ANK2: variants seen among roughly 807,000 people sequenced by gnomAD.
ANK2 encodes the protein ankyrin 2, also known as ankyrin-2.
In ANK2, 83 loss-of-function variants were observed where a neutral mutation model predicts 360.5. That is an observed-to-expected ratio of 0.23 (90% CI 0.19 to 0.28). The LOEUF (loss-of-function observed/expected upper bound fraction) is 0.28. Ranked by LOEUF, ANK2 falls within the 10% of genes least tolerant of loss-of-function variation. ANK2 has a pLI of 1.00. For missense variants in ANK2, 4,201 were observed against 4,795.7 expected, an observed-to-expected ratio of 0.88 and a Z score of 3.66; for synonymous variants, 1,740 against 1,759.5, an observed-to-expected ratio of 0.99 and a Z score of 0.28.
chr4:113,242,719 C>A (rs1453732433), intron 9 of ANK2, among the ~76,000 whole-genome samples: 1 of 152,122 alleles, frequency 6.6e-6, no homozygotes, highest in Admixed American at 6.6e-5. Flanking sequence ...GTATACTATA[C>A]CTTTATGTCA....
At chr4:113,215,839 T>A (rs10857021) in intron 4 of ANK2, among the ~76,000 whole-genome samples, 77,424 of 151,924 alleles carry the variant, frequency 0.51, 19,948 homozygotes, top group Non-Finnish European at 0.56. Context: ...TTTCTTGTGT[T>A]ATCTTCATCT....
intron 1 of ANK2, among the ~76,000 whole-genome samples, chr4:112,884,758 T>C (rs2077775242): frequency 6.6e-6 from 1 of 152,242 alleles, no homozygotes; most frequent in Non-Finnish European, 1.5e-5. Context: ...ACACTTTCTG[T>C]TCTGTTTTCT....
chr4:112,904,554 A>G (rs2084547861), intron 2 of ANK2: 1 of 1,385,346 alleles, frequency 7.2e-7, no homozygotes. Flanking sequence ...AAGGAATCTT[A>G]TAAAAAGACA....
chr4:113,248,577 A>G (rs1352064433), intron 9 of ANK2, among the ~76,000 whole-genome samples: 1 of 152,012 alleles, frequency 6.6e-6, no homozygotes. Context: ...AGGGAGGAGA[A>G]GGGTAGAGCA....
At position 113,357,303 on chromosome 4, in the gene ANK2, A is replaced by G. The variant is rs1564040511; in HGVS notation, c.8685A>G (p.Ser2895=). The G allele has an allele frequency of 3.7e-6, 6 of 1,614,108 alleles. No individual in the cohort carries two copies. Among genetic ancestry groups the G allele is most frequent in the African/African-American group, 1.3e-5 (1 of 75,066 alleles). ...CAAAGGACTGCCCCTCTCAAGACTC[A>G]TCCATTACTACTCAAACAGATAGAT... The part of the protein sequence containing the change: ...NLPKDCPSQD[S]SITTQTDRFS... Residue 2895 remains serine, a synonymous_variant, in exon 38 of 46, where the codon TCA becomes TCG. Coordinates refer to ENST00000357077, the MANE Select transcript of ANK2 (RefSeq NM_001148.6).
chr4:112,730,252 C>CAAAAAAAAAAAAAAAAAAA, the ANK2 span, among the ~76,000 whole-genome samples: 1 of 50,900 alleles, frequency 2.0e-5, no homozygotes, highest in Non-Finnish European at 3.3e-5. Context: ...GACTCTGTCT[C>CAAAAAAAAAAAAAAAAAAA]AAAAAAAAAA....
chr4:113,268,044 C>G (rs2056935497), intron 14 of ANK2, among the ~76,000 whole-genome samples: 1 of 152,056 alleles, frequency 6.6e-6, no homozygotes, highest in Non-Finnish European at 1.5e-5. Flanking sequence ...TAATTTGCCT[C>G]TCTGTTTGTC....
chr4:113,158,131 A>G (rs1291370444), intron 1 of ANK2, among the ~76,000 whole-genome samples: 2 of 152,236 alleles, frequency 1.3e-5, no homozygotes, highest in Non-Finnish European at 2.9e-5. Flanking sequence ...TTTAGATGGC[A>G]TGTAGCATCC....
rs2220208 is a variant in ANK2, at chr4:113,116,702, A to G, written c.85-57714A>G. 0.46 allele frequency among the ~76,000 whole-genome samples: 70,474 copies of G among 151,840 alleles called. 16,646 individuals are homozygous for G. The highest frequency in any genetic ancestry group is 0.55 in the Admixed American group (8,415 of 15,236). ...ACGGCAGTAACAGCAGTAGCACGGC[A>G]GCAGCAGCAGCAGCAGCAGCAGAGT... On this transcript the variant is annotated intron_variant, in intron 1 of 45. Transcript: ENST00000357077.
At chr4:112,726,121 C>T in the ANK2 span, among the ~76,000 whole-genome samples, 1 of 151,906 alleles carries the variant, frequency 6.6e-6, no homozygotes, top group Non-Finnish European at 1.5e-5. Context: ...AGCATTTCAG[C>T]AGATGTTAAA....
chr4:113,133,459 TC>T (rs1477513772), intron 1 of ANK2, among the ~76,000 whole-genome samples: 1 of 152,130 alleles, frequency 6.6e-6, no homozygotes, highest in Non-Finnish European at 1.5e-5. Context: ...AAAAAGATTT[TC>T]CCCTCAAATT....
chr4:113,104,657 G>A (rs1450960290), intron 1 of ANK2, among the ~76,000 whole-genome samples: 1 of 152,192 alleles, frequency 6.6e-6, no homozygotes, highest in Non-Finnish European at 1.5e-5. Context: ...AGAGGTTGCA[G>A]TTAGCTGAGA....
chr4:112,771,740 C>T, the ANK2 span, among the ~76,000 whole-genome samples: 3 of 152,112 alleles, frequency 2.0e-5, no homozygotes, highest in Non-Finnish European at 4.4e-5. Flanking sequence ...TGCCCGCCAC[C>T]GTGCCCGGCT....
Position 113,278,567 on chromosome 4 carries a change from C to T in ANK2, c.1881+9C>T, listed in dbSNP as rs200659747. ...CTCATGCCACTGCCAAGGTGAGGACCACAGAAAAGGATTTACAGGCATAGG... is the reference window on the plus strand; with the variant it reads ...CTCATGCCACTGCCAAGGTGAGGACTACAGAAAAGGATTTACAGGCATAGG... On this transcript the variant is annotated intron_variant, in intron 17 of 45. Transcript: ENST00000357077. The T allele has an allele frequency of 1.2e-6, 2 of 1,612,756 alleles. No individual in the cohort carries two copies. Among genetic ancestry groups the T allele is most frequent in the East Asian group, 4.5e-5 (2 of 44,836 alleles).
At chr4:113,362,183 G>A (rs1479092384) in intron 39 of ANK2, among the ~76,000 whole-genome samples, 2 of 151,984 alleles carry the variant, frequency 1.3e-5, no homozygotes, top group African/African-American at 2.4e-5. Flanking sequence ...TTTATTAATG[G>A]CTTTTGTTGA....
At position 113,356,689 on chromosome 4, in the gene ANK2, C is replaced by A; in HGVS notation, c.8071C>A (p.Pro2691Thr). Residue 2691 changes from proline (P) to threonine (T), a missense_variant, in exon 38 of 46, where the codon CCT (proline) becomes ACT (threonine). By Grantham distance (38) the Pro-to-Thr change is conservative (BLOSUM62 -1). Coordinates refer to ENST00000357077, the MANE Select transcript of ANK2 (RefSeq NM_001148.6). ...ACCAGAACCAGTGATTCGAGTACAA[C>A]CTCCTTCTCCACTTCCATCAAGCAT... ...LLPEPVIRVQ[P>T]PSPLPSSMDS... The A allele has an allele frequency of 1.2e-6, 2 of 1,614,116 alleles. No individual in the cohort carries two copies. Among genetic ancestry groups the A allele is most frequent in the Non-Finnish European group, 1.7e-6 (2 of 1,179,992 alleles).
chr4:113,027,747 T>C (rs2059585101), intron 2 of ANK2, among the ~76,000 whole-genome samples: 1 of 152,030 alleles, frequency 6.6e-6, no homozygotes, highest in Admixed American at 6.6e-5. Flanking sequence ...TTGGGAAGTA[T>C]ATAAATAAAT....
At chr4:112,904,395 C>T in intron 1 of ANK2, 1 of 1,008,834 alleles carries the variant, frequency 9.9e-7, no homozygotes, top group Non-Finnish European at 1.4e-6. Context: ...GGAAACTGTT[C>T]TTAATGATAA....
chr4:113,132,962 C>T (rs772289694), intron 1 of ANK2, among the ~76,000 whole-genome samples: 1 of 152,146 alleles, frequency 6.6e-6, no homozygotes, highest in Non-Finnish European at 1.5e-5. Context: ...ACTTACAAAC[C>T]TCTTCATGGC....
Sources: gnomAD v4.1 joint callset for allele counts (sites outside exome capture counted in the v4.1 genomes callset) on GRCh38, gnomAD v4.1.1 for gene constraint, MANE v1.5 for transcripts, NCBI Gene and HGNC (gene_info 2026-07-23, HGNC 2026-07-21) for gene names.